PCDHGA6: variants seen among roughly 807,000 people sequenced by gnomAD.
PCDHGA6 encodes protocadherin gamma subfamily A, 6.
In PCDHGA6, 41 loss-of-function variants were observed where a neutral mutation model predicts 60.6. The observed-to-expected ratio is 0.68, with a 90% CI of 0.53 to 0.88. The LOEUF is 0.88. PCDHGA6 is among the 40% of genes least tolerant of loss of function. PCDHGA6 has a pLI of 0.00. For synonymous variants in PCDHGA6, 594 were observed against 524.4 expected, an observed-to-expected ratio of 1.13 and a Z score of -1.81; for missense variants, 1,312 against 1,203.0, an observed-to-expected ratio of 1.09 and a Z score of -1.34.
chr5:141,463,548 A>C (rs2099063677), intron 1 of PCDHGA6, among the ~76,000 whole-genome samples: 1 of 140,798 alleles, frequency 7.1e-6, no homozygotes, highest in Non-Finnish European at 1.5e-5. Context: ...TCCCGGGTTC[A>C]TGCCATTCTC....
At chr5:141,390,382 T>C in intron 1 of PCDHGA6, 2 of 1,443,060 alleles carry the variant, frequency 1.4e-6, no homozygotes, top group South Asian at 1.3e-5. Context: ...AATTTTTAGA[T>C]GTCATGGATC....
chr5:141,409,295 G>A, intron 1 of PCDHGA6: 1 of 1,613,992 alleles, frequency 6.2e-7, no homozygotes, highest in Non-Finnish European at 8.5e-7. Context: ...TCCAGGAATG[G>A]TTGTTGCCCT....
intron 1 of PCDHGA6, chr5:141,430,575 A>T (rs1056696427): frequency 2.2e-6 from 1 of 455,822 alleles, no homozygotes; most frequent in Non-Finnish European, 3.7e-6. Flanking sequence ...AAAAGCGGAG[A>T]TCCTGCTCGC....
At chr5:141,481,070 A>G (rs2099531062) in intron 1 of PCDHGA6, among the ~76,000 whole-genome samples, 1 of 152,144 alleles carries the variant, frequency 6.6e-6, no homozygotes, top group South Asian at 2.1e-4. Context: ...AAACAAAAAG[A>G]AAGAAAGAAA....
At chr5:141,415,640 T>C in intron 1 of PCDHGA6, 1 of 1,594,726 alleles carries the variant, frequency 6.3e-7, no homozygotes, top group Non-Finnish European at 8.5e-7. Context: ...TTTACTTTTG[T>C]TAAAAAAAAA....
chr5:141,419,494 T>A, intron 1 of PCDHGA6: 1 of 1,612,380 alleles, frequency 6.2e-7, no homozygotes, highest in Non-Finnish European at 8.5e-7. Context: ...TCAGCGCCAA[T>A]GTGAGCCTGC....
intron 1 of PCDHGA6, chr5:141,385,468 A>G: frequency 1.4e-6 from 2 of 1,440,194 alleles, no homozygotes; most frequent in Non-Finnish European, 1.8e-6. Context: ...TTCAGTGGTG[A>G]CACTTTAATA....
In PCDHGA6 at chr5:141,476,238, G is replaced by A; in HGVS notation, c.2425-18569G>A. The A allele has an allele frequency of 1.2e-6, 2 of 1,614,098 alleles. No individual in the cohort carries two copies. ...ATTCACTATGAGATCCCGGAGGAAAGAGAGAAGGGTTTCGCTGTGGGCAAC... is the reference window on the plus strand; with the variant it reads ...ATTCACTATGAGATCCCGGAGGAAAAAGAGAAGGGTTTCGCTGTGGGCAAC... On this transcript the variant is annotated intron_variant, in intron 1 of 3. Coordinates refer to ENST00000517434, the MANE Select transcript of PCDHGA6 (RefSeq NM_018919.3). The surrounding 1 kb of genome is among the most constrained non-coding windows in gnomAD (Gnocchi z 7.6).
intron 1 of PCDHGA6, among the ~76,000 whole-genome samples, chr5:141,380,346 GTTGT>G (rs1424822944): frequency 2.0e-5 from 3 of 152,066 alleles, no homozygotes; most frequent in Non-Finnish European, 2.9e-5. Context: ...GAACTGTTTT[GTTGT>G]TTGTTTTTTA....
At chr5:141,510,040 G>A (rs2099879305) in intron 3 of PCDHGA6, among the ~76,000 whole-genome samples, 1 of 152,220 alleles carries the variant, frequency 6.6e-6, no homozygotes, top group Non-Finnish European at 1.5e-5. Flanking sequence ...GTTATGTAGA[G>A]GTTAAAAGTG....
chr5:141,384,471 G>T lies in PCDHGA6; in HGVS notation c.2424+7964G>T, dbSNP rs200621761. On this transcript the variant is annotated intron_variant, in intron 1 of 3. Coordinates refer to ENST00000517434, the MANE Select transcript of PCDHGA6 (RefSeq NM_018919.3). ...CGCTGCAATCCTTTGATTATGAGCA[G>T]TTGAGAGAACTACAACTAAGAGTGA... The T allele has an allele frequency of 1.4e-4, 226 of 1,614,000 alleles. No homozygotes were observed. The highest frequency in any genetic ancestry group is 4.2e-4 in the Admixed American group (25 of 60,010).
intron 1 of PCDHGA6, chr5:141,417,091 A>G (rs1345871347): frequency 6.6e-6 from 1 of 152,194 alleles, no homozygotes; most frequent in Non-Finnish European, 1.5e-5. Flanking sequence ...TTTTGATTAT[A>G]ATTATTTAAA....
chr5:141,388,849 G>A, intron 1 of PCDHGA6: 1 of 1,614,026 alleles, frequency 6.2e-7, no homozygotes, highest in Non-Finnish European at 8.5e-7. Flanking sequence ...GCAAGGGACG[G>A]TGGAGGAATG....
rs563642216 is a variant in PCDHGA6, at chr5:141,376,735, G to A, written c.2424+228G>A. The A allele has an allele frequency of 1.9e-5, 10 of 521,610 alleles. 1 individual carries two copies. The South Asian group carries it at 2.3e-4, about 12-fold the overall frequency. 32.3% of individuals were successfully genotyped at this position (521,610 alleles called of 1,614,324 possible). ...CGCTCTGTCGCCCAGGCCGGACTGC[G>A]GACTGCAGTGGCGCAATCTCGGCTC... On this transcript the variant is annotated intron_variant, in intron 1 of 3. Coordinates refer to ENST00000517434, the MANE Select transcript of PCDHGA6 (RefSeq NM_018919.3).
intron 1 of PCDHGA6, chr5:141,413,907 G>C (rs745956130): frequency 6.2e-7 from 1 of 1,613,270 alleles, no homozygotes; most frequent in Non-Finnish European, 8.5e-7. Context: ...ACAACGCGCC[G>C]GTCTTCACCT....
At chr5:141,500,227 G>T (rs959087347) in intron 2 of PCDHGA6, among the ~76,000 whole-genome samples, 15 of 116,224 alleles carry the variant, frequency 1.3e-4, no homozygotes, top group African/African-American at 2.9e-4. Context: ...TTTATTTATT[G>T]ATACGTAGCC....
rs1427934561 is a variant in PCDHGA6, at chr5:141,511,140, CAAG to C, written c.2773_2775del (p.Lys925del). The stretch of plus-strand genomic sequence containing the variant: ...AGGCCCCAGCAGGTGGCAATGGCAA[CAAG>C]AAGAAGTCGGGCAAGAAGGAGAAGA... On this transcript the variant is annotated inframe_deletion, in exon 4 of 4. Coordinates refer to ENST00000517434, the MANE Select transcript of PCDHGA6 (RefSeq NM_018919.3). 9 of 1,614,186 alleles carry C rather than the reference CAAG, an allele frequency of 5.6e-6. No individual in the cohort carries two copies. The East Asian group carries it at 6.7e-5, about 12-fold the overall frequency.
At chr5:141,404,252 A>G (rs2094504105) in intron 1 of PCDHGA6, 8 of 1,613,986 alleles carry the variant, frequency 5.0e-6, no homozygotes, top group South Asian at 1.1e-5. Context: ...GCCCCTGTCC[A>G]CAGAAATTCA....
At chr5:141,408,455 C>A in intron 1 of PCDHGA6, 1 of 1,614,050 alleles carries the variant, frequency 6.2e-7, no homozygotes, top group South Asian at 1.1e-5. Flanking sequence ...CGGGGACTTA[C>A]TTGTGAAGAA....
Sources: allele counts gnomAD v4.1 joint callset (sites outside exome capture counted in the v4.1 genomes callset), GRCh38; gene constraint gnomAD v4.1.1; non-coding constraint Gnocchi (gnomAD v3.1); transcripts MANE v1.5; gene names NCBI Gene and HGNC (gene_info 2026-07-23, HGNC 2026-07-21).